The following CNTN5 variants were observed in gnomAD, a reference collection of about 807,000 sequenced individuals.
CNTN5 encodes contactin 5.
Under a neutral mutation model 129.1 loss-of-function variants are expected in CNTN5, and 77 were observed. That is an observed-to-expected ratio of 0.60 (90% CI 0.50 to 0.72). CNTN5 has a LOEUF of 0.72. Ranked by LOEUF, CNTN5 falls within the 30% of genes least tolerant of loss-of-function variation. The pLI is 0.00. For missense variants in CNTN5, 1,478 were observed against 1,328.8 expected, an observed-to-expected ratio of 1.11 and a Z score of -1.75; for synonymous variants, 509 against 465.6, an observed-to-expected ratio of 1.09 and a Z score of -1.20.
At chr11:99,911,185 C>G (rs1331473581) in intron 6 of CNTN5, among the ~76,000 whole-genome samples, 1 of 151,946 alleles carries the variant, frequency 6.6e-6, no homozygotes, top group Non-Finnish European at 1.5e-5. Context: ...AAGTCAAAAT[C>G]TCAATTTTAT....
intron 1 of CNTN5, among the ~76,000 whole-genome samples, chr11:99,261,763 C>T (rs980210319): frequency 2.6e-5 from 4 of 151,990 alleles, no homozygotes; most frequent in Non-Finnish European, 5.9e-5. Flanking sequence ...ATATCATTCT[C>T]TTATACATCT....
chr11:99,177,209 T>C (rs758554539), intron 1 of CNTN5, among the ~76,000 whole-genome samples: 18 of 152,202 alleles, frequency 1.2e-4, no homozygotes, highest in Non-Finnish European at 2.4e-4. Flanking sequence ...GTATCTTCAC[T>C]ACTCAATACT....
intron 1 of CNTN5, among the ~76,000 whole-genome samples, chr11:99,242,559 G>A (rs1302612207): frequency 6.6e-6 from 1 of 151,904 alleles, no homozygotes; most frequent in East Asian, 1.9e-4. Flanking sequence ...TGTCGCTGAG[G>A]TTTGAGATAC....
At position 99,819,446 on chromosome 11, in the gene CNTN5, A is replaced by G. The variant is rs1946713308; in HGVS notation, c.56-98A>G. ...TCTGAATTTGCTTGCAGCTCCAAAGAAGGTTTTTAGTAATGTCTTCAAAGA... is the reference window on the plus strand; with the variant it reads ...TCTGAATTTGCTTGCAGCTCCAAAGGAGGTTTTTAGTAATGTCTTCAAAGA... On this transcript the variant is annotated intron_variant, in intron 3 of 24. Transcript: ENST00000524871. 6 of 1,001,194 alleles carry G rather than the reference A, an allele frequency of 6.0e-6. No individual in the cohort carries two copies. The South Asian group carries it at 6.2e-5, about 10-fold the overall frequency. 62.0% of individuals were successfully genotyped at this position (1,001,194 alleles called of 1,614,324 possible).
intron 2 of CNTN5, among the ~76,000 whole-genome samples, chr11:99,379,661 A>C (rs1249652948): frequency 6.6e-6 from 1 of 152,192 alleles, no homozygotes; most frequent in Non-Finnish European, 1.5e-5. Flanking sequence ...AGGTAGAAAA[A>C]AATATGTGTA....
intron 3 of CNTN5, among the ~76,000 whole-genome samples, chr11:99,608,016 G>A (rs927438367): frequency 2.1e-5 from 3 of 141,228 alleles, no homozygotes; most frequent in African/African-American, 5.3e-5. Flanking sequence ...CACATTAGTG[G>A]GTGCAGCGCA....
chr11:99,331,001 T>C (rs1026690583), intron 2 of CNTN5, among the ~76,000 whole-genome samples: 1 of 151,804 alleles, frequency 6.6e-6, no homozygotes, highest in Non-Finnish European at 1.5e-5. Flanking sequence ...CACAAATATA[T>C]ATATGCAAAA....
Position 99,689,320 on chromosome 11 carries a change from G to A in CNTN5, c.56-130224G>A, listed in dbSNP as rs376030808. Among the ~76,000 whole-genome samples, 43 of 152,108 alleles carry A rather than the reference G, an allele frequency of 2.8e-4. No individual in the cohort carries two copies. The South Asian group carries it at 8.1e-3, about 29-fold the overall frequency. ...AGGCGGGCAGATCACAAGGTCAGGA[G>A]ATCGAGACCATCCTGGCTAACACAG... On this transcript the variant is annotated intron_variant, in intron 3 of 24. Transcript: ENST00000524871.
At chr11:99,587,268 C>A (rs1300951374) in intron 3 of CNTN5, among the ~76,000 whole-genome samples, 4 of 152,148 alleles carry the variant, frequency 2.6e-5, no homozygotes, top group Admixed American at 6.5e-5. Flanking sequence ...TAGAATAGAA[C>A]ATGGAAACAA....
intron 2 of CNTN5, among the ~76,000 whole-genome samples, chr11:99,419,926 G>T (rs935071189): frequency 2.6e-5 from 4 of 152,000 alleles, no homozygotes; most frequent in East Asian, 1.9e-4. Context: ...TAGCATGGTG[G>T]TCTTCACCAA....
At chr11:99,186,827 GA>G (rs1858378893) in intron 1 of CNTN5, among the ~76,000 whole-genome samples, 1 of 151,938 alleles carries the variant, frequency 6.6e-6, no homozygotes, top group Admixed American at 6.6e-5. Context: ...GCTGAAAGGA[GA>G]AGCCTGGAAT....
intron 3 of CNTN5, among the ~76,000 whole-genome samples, chr11:99,688,746 GCT>G (rs1358265072): frequency 6.6e-6 from 1 of 152,142 alleles, no homozygotes; most frequent in South Asian, 2.1e-4. Context: ...TCTTCTTGAT[GCT>G]CTCCCTTCTC....
chr11:99,174,403 G>A (rs12366204), intron 1 of CNTN5, among the ~76,000 whole-genome samples: 1 of 152,216 alleles, frequency 6.6e-6, no homozygotes, highest in Admixed American at 6.5e-5. Context: ...ATAAGATAAT[G>A]CATTTTTAAC....
intron 1 of CNTN5, among the ~76,000 whole-genome samples, chr11:99,038,069 G>A (rs981669171): frequency 6.6e-6 from 1 of 151,736 alleles, no homozygotes; most frequent in Non-Finnish European, 1.5e-5. Flanking sequence ...GCTTTAAAGA[G>A]GCCAACATTG....
At chr11:99,421,484 C>T (rs10160612) in intron 2 of CNTN5, among the ~76,000 whole-genome samples, 82,257 of 151,920 alleles carry the variant, frequency 0.54, 24,032 homozygotes, top group East Asian at 0.8. Context: ...CTGTTGCAAG[C>T]AGCTTTGTTA....
At chr11:100,006,679 C>A (rs1047996025) in intron 9 of CNTN5, among the ~76,000 whole-genome samples, 8 of 152,036 alleles carry the variant, frequency 5.3e-5, no homozygotes, top group Non-Finnish European at 8.8e-5. Flanking sequence ...AGTTTTGAAC[C>A]CCTCCAAGTT....
chr11:100,131,228 G>T (rs1020227884), intron 13 of CNTN5, among the ~76,000 whole-genome samples: 4 of 152,142 alleles, frequency 2.6e-5, no homozygotes, highest in Middle Eastern at 3.4e-3. Flanking sequence ...CTATTTTAGT[G>T]TTCAGGAGAC....
intron 2 of CNTN5, among the ~76,000 whole-genome samples, chr11:99,449,885 G>A (rs1368790580): frequency 2.6e-5 from 4 of 152,174 alleles, no homozygotes; most frequent in Non-Finnish European, 5.9e-5. Flanking sequence ...ATCAGTGTGG[G>A]AAGGGTCTAT....
At chr11:99,487,680 T>A (rs1945869999) in intron 2 of CNTN5, among the ~76,000 whole-genome samples, 1 of 152,234 alleles carries the variant, frequency 6.6e-6, no homozygotes, top group Admixed American at 6.5e-5. Flanking sequence ...ATTCTTCACA[T>A]AAACAAAACC....
Sources: gnomAD v4.1 joint callset for allele counts (sites outside exome capture counted in the v4.1 genomes callset) on GRCh38, gnomAD v4.1.1 for gene constraint, MANE v1.5 for transcripts, NCBI Gene and HGNC (gene_info 2026-07-23, HGNC 2026-07-21) for gene names.